The following PDS5B variants were observed in gnomAD, a reference collection of about 807,000 sequenced individuals.
The protein encoded by PDS5B is sister chromatid cohesion protein PDS5 homolog B.
PDS5B carries 51 observed loss-of-function variants against 184.1 expected under a neutral mutation model. That is an observed-to-expected ratio of 0.28 (90% CI 0.22 to 0.35). The LOEUF is 0.35. Ranked by LOEUF, PDS5B falls within the 10% of genes least tolerant of loss-of-function variation. PDS5B has a pLI of 1.00. For missense variants in PDS5B, 1,180 were observed against 1,723.3 expected, an observed-to-expected ratio of 0.68 and a Z score of 5.58; for synonymous variants, 566 against 569.2, an observed-to-expected ratio of 0.99 and a Z score of 0.08.
chr13:32,689,403 C>CT (rs1277581171), intron 13 of PDS5B: 4 of 151,998 alleles, frequency 2.6e-5, no homozygotes, highest in Non-Finnish European at 5.9e-5. Flanking sequence ...GGGAGAAATA[C>CT]ACATTTTTTT....
At chr13:32,590,125 T>G (rs866141954) in intron 1 of PDS5B, among the ~76,000 whole-genome samples, 5 of 152,180 alleles carry the variant, frequency 3.3e-5, no homozygotes, top group African/African-American at 1.2e-4. Flanking sequence ...TAATTAGACA[T>G]TAATAATAAG....
intron 1 of PDS5B, among the ~76,000 whole-genome samples, chr13:32,610,458 C>T (rs565778356): frequency 6.6e-6 from 1 of 152,242 alleles, no homozygotes; most frequent in South Asian, 2.1e-4. Flanking sequence ...TTGTTAGTAA[C>T]ACTAACAGTT....
intron 1 of PDS5B, among the ~76,000 whole-genome samples, chr13:32,596,247 T>G (rs2057867378): frequency 6.6e-6 from 1 of 152,236 alleles, no homozygotes; most frequent in South Asian, 2.1e-4. Context: ...CAAACACTCT[T>G]TGATTTTTAA....
chr13:32,681,590 C>T (rs1348957188), intron 10 of PDS5B, among the ~76,000 whole-genome samples: 2 of 151,236 alleles, frequency 1.3e-5, no homozygotes, highest in Non-Finnish European at 2.9e-5. Context: ...CGCGCCACTG[C>T]ACCCCAGCCT....
chr13:32,700,127 A>G (rs1335602434), intron 16 of PDS5B, among the ~76,000 whole-genome samples: 1 of 152,160 alleles, frequency 6.6e-6, no homozygotes, highest in African/African-American at 2.4e-5. Flanking sequence ...ATAGCTCCAT[A>G]GCATACCACT....
At chr13:32,715,392 A>G (rs535060015) in intron 19 of PDS5B, among the ~76,000 whole-genome samples, 1 of 152,156 alleles carries the variant, frequency 6.6e-6, no homozygotes, top group Non-Finnish European at 1.5e-5. Context: ...AGTTTTGCTT[A>G]TGCCCTCTAA....
chr13:32,628,732 C>T (rs1343168126), intron 1 of PDS5B, among the ~76,000 whole-genome samples: 1 of 152,002 alleles, frequency 6.6e-6, no homozygotes, highest in East Asian at 1.9e-4. Flanking sequence ...AGTATAATGC[C>T]TTTCCCACTC....
At chr13:32,693,685 AT>A (rs1951618165) in intron 13 of PDS5B, among the ~76,000 whole-genome samples, 2 of 149,592 alleles carry the variant, frequency 1.3e-5, no homozygotes, top group African/African-American at 4.9e-5. Context: ...ATTATAATAT[AT>A]TAAACGACAT....
At chr13:32,749,142 C>G (rs1231944316) in intron 24 of PDS5B, among the ~76,000 whole-genome samples, 1 of 152,190 alleles carries the variant, frequency 6.6e-6, no homozygotes, top group East Asian at 1.9e-4. Flanking sequence ...TCTTGTTGAG[C>G]ACACTCTCCT....
At chr13:32,721,383 C>T (rs976056556) in intron 19 of PDS5B, among the ~76,000 whole-genome samples, 15 of 150,964 alleles carry the variant, frequency 9.9e-5, no homozygotes, top group South Asian at 4.2e-4. Context: ...GGCTGCCGGG[C>T]GGGGGTGCCC....
At chr13:32,708,372 T>A (rs900681570) in intron 18 of PDS5B, among the ~76,000 whole-genome samples, 1 of 152,212 alleles carries the variant, frequency 6.6e-6, no homozygotes, top group Non-Finnish European at 1.5e-5. Context: ...AGTATTTTCC[T>A]ATTGTTGAAT....
Position 32,741,063 on chromosome 13 carries a change from T to TC in PDS5B, c.2407-17_2407-16insC. 7.3e-7 allele frequency: 1 copy of TC among 1,377,016 alleles called. No homozygotes were observed. Among genetic ancestry groups the TC allele is most frequent in the Non-Finnish European group, 1.0e-6 (1 of 983,944 alleles). 85.3% of individuals were successfully genotyped at this position (1,377,016 alleles called of 1,614,324 possible). A position where few individuals can be genotyped will look rare whatever the true frequency, so the allele number is the denominator to read the frequency against. Reference sequence around the variant, plus strand: ...TTTAAAGTCCCTGGTTTTTTTTTTTTTCTCGTTTATTTTTAGCTTCCAGGG... The same window carrying TC: ...TTTAAAGTCCCTGGTTTTTTTTTTTTCTCTCGTTTATTTTTAGCTTCCAGGG... On this transcript the variant is annotated splice_polypyrimidine_tract_variant and intron_variant, in intron 21 of 34. Transcript: ENST00000315596.
intron 3 of PDS5B, among the ~76,000 whole-genome samples, chr13:32,654,681 C>T (rs1256072163): frequency 6.6e-6 from 1 of 152,092 alleles, no homozygotes; most frequent in Non-Finnish European, 1.5e-5. Context: ...TCCTCACCCT[C>T]CTCCCACCCT....
chr13:32,602,486 C>G (rs940341503), intron 1 of PDS5B, among the ~76,000 whole-genome samples: 5 of 152,170 alleles, frequency 3.3e-5, no homozygotes, highest in African/African-American at 1.2e-4. Flanking sequence ...TTTTCTTAAT[C>G]CAGTCTATCT....
chr13:32,711,187 G>T (rs1197366793), intron 19 of PDS5B, among the ~76,000 whole-genome samples: 3 of 151,660 alleles, frequency 2.0e-5, no homozygotes, highest in Non-Finnish European at 2.9e-5. Flanking sequence ...GTTTTGCCAT[G>T]TTGGCCAGGT....
intron 9 of PDS5B, 143 bp from the exon 10 acceptor site, chr13:32,678,690 CTT>C (rs1951142867): frequency 6.9e-6 from 4 of 579,842 alleles, no homozygotes; most frequent in East Asian, 2.8e-5. Flanking sequence ...ATATCAGAAA[CTT>C]TGTAAAATGG....
intron 19 of PDS5B, among the ~76,000 whole-genome samples, chr13:32,710,405 T>C (rs1159370685): frequency 6.6e-6 from 1 of 152,168 alleles, no homozygotes; most frequent in African/African-American, 2.4e-5. Flanking sequence ...ATGGGAAGTT[T>C]CAAAGGAATT....
At chr13:32,677,132 G>C (rs1463271210) in intron 9 of PDS5B, among the ~76,000 whole-genome samples, 1 of 151,988 alleles carries the variant, frequency 6.6e-6, no homozygotes, top group Non-Finnish European at 1.5e-5. Flanking sequence ...TTAAGCTTCA[G>C]ATCTCCAGTC....
chr13:32,683,026 T>G (rs965291773), intron 10 of PDS5B, among the ~76,000 whole-genome samples: 3 of 152,132 alleles, frequency 2.0e-5, no homozygotes, highest in Non-Finnish European at 4.4e-5. Context: ...ACTTTCTTTT[T>G]TTTTTTGAGG....
Sources: allele counts gnomAD v4.1 joint callset (sites outside exome capture counted in the v4.1 genomes callset), GRCh38; gene constraint gnomAD v4.1.1; transcripts MANE v1.5; gene names NCBI Gene and HGNC (gene_info 2026-07-23, HGNC 2026-07-21).